CIB4: variants seen among roughly 807,000 people sequenced by gnomAD.
CIB4 encodes the protein calcium and integrin binding family member 4, also known as calcium and integrin-binding family member 4.
Under a neutral mutation model 25.8 loss-of-function variants are expected in CIB4, and 25 were observed. The ratio of observed to expected loss-of-function variants is 0.97; its 90% CI spans 0.71 to 1.35. The LOEUF is 1.35. CIB4 is among the 40% of genes most tolerant of loss of function. CIB4 has a pLI of 0.00. For synonymous variants in CIB4, 75 were observed against 81.4 expected, an observed-to-expected ratio of 0.92 and a Z score of 0.42; for missense variants, 235 against 228.2, an observed-to-expected ratio of 1.03 and a Z score of -0.19.
At chr2:26,603,949 G>C (rs1668840920) in intron 3 of CIB4, among the ~76,000 whole-genome samples, 1 of 149,586 alleles carries the variant, frequency 6.7e-6, no homozygotes, top group Non-Finnish European at 1.5e-5. Flanking sequence ...ATTGCAATGA[G>C]CCAAGATTGT....
chr2:26,618,157 G>A (rs969021993), intron 3 of CIB4, among the ~76,000 whole-genome samples: 3 of 152,076 alleles, frequency 2.0e-5, no homozygotes, highest in African/African-American at 7.2e-5. Flanking sequence ...CCTCCACCCC[G>A]ACCTCATCTC....
At chr2:26,634,909 C>T (rs999395200) in intron 2 of CIB4, among the ~76,000 whole-genome samples, 1 of 152,214 alleles carries the variant, frequency 6.6e-6, no homozygotes, top group Non-Finnish European at 1.5e-5. Context: ...CAGAGTAGTC[C>T]GAAGAGCTCG....
At chr2:26,619,371 T>C (rs1345641090) in intron 3 of CIB4, among the ~76,000 whole-genome samples, 2 of 152,008 alleles carry the variant, frequency 1.3e-5, no homozygotes, top group Non-Finnish European at 2.9e-5. Context: ...CTTGGGAGTT[T>C]GGGAATGGAG....
chr2:26,589,602 G>A (rs1434841340), intron 4 of CIB4, among the ~76,000 whole-genome samples: 3 of 152,190 alleles, frequency 2.0e-5, no homozygotes. Flanking sequence ...GATTACAGGT[G>A]TGAGCCACTG....
intron 1 of CIB4, 107 bp from the exon 2 acceptor site, chr2:26,640,674 C>G (rs950632516): frequency 8.1e-7 from 1 of 1,228,802 alleles, no homozygotes; most frequent in Non-Finnish European, 1.2e-6. Flanking sequence ...CATTCTTTTG[C>G]TGCACAGCTG....
intron 2 of CIB4, among the ~76,000 whole-genome samples, chr2:26,637,176 G>A (rs897918886): frequency 2.0e-5 from 3 of 152,142 alleles, no homozygotes; most frequent in Non-Finnish European, 4.4e-5. Context: ...TGCAGAGGGA[G>A]AGAGAAGGAA....
intron 3 of CIB4, among the ~76,000 whole-genome samples, chr2:26,614,528 G>A (rs1181521349): frequency 6.6e-6 from 1 of 152,234 alleles, no homozygotes; most frequent in Non-Finnish European, 1.5e-5. Flanking sequence ...CACATGAACA[G>A]TTTTCCCAGG....
In CIB4 at chr2:26,635,797, A is replaced by T. The variant is rs1280228506; in HGVS notation, c.89+4736T>A. Among the ~76,000 whole-genome samples the T allele has an allele frequency of 2.6e-5, 4 of 152,114 alleles. No homozygotes were observed. In the East Asian group the frequency reaches 7.7e-4, roughly 29 times the overall value. On this transcript the variant is annotated intron_variant, in intron 2 of 6. Transcript: ENST00000288861. ...TCAGTTTCTGTGTCTGCTTCCAGGG[A>T]TATTCTCCTCTGTGTATGCATGTAT...
chr2:26,623,611 C>T (rs539595362), intron 3 of CIB4: 35 of 469,838 alleles, frequency 7.4e-5, no homozygotes, highest in African/African-American at 6.6e-4. Flanking sequence ...ACCATACCTC[C>T]CTACACCTTG....
intron 3 of CIB4, among the ~76,000 whole-genome samples, chr2:26,608,893 C>G (rs1343572467): frequency 6.6e-6 from 1 of 152,190 alleles, no homozygotes; most frequent in Non-Finnish European, 1.5e-5. Context: ...CTCTCTTGCT[C>G]TCTCGTCGCT....
intron 2 of CIB4, 132 bp downstream of exon 2, chr2:26,640,401 G>T: frequency 1.1e-6 from 1 of 934,470 alleles, no homozygotes; most frequent in Non-Finnish European, 1.6e-6. Flanking sequence ...CCGTGTCCCA[G>T]CCCCATCTCC....
intron 2 of CIB4, among the ~76,000 whole-genome samples, chr2:26,632,457 T>C (rs1011012653): frequency 1.3e-5 from 2 of 152,042 alleles, no homozygotes; most frequent in Non-Finnish European, 2.9e-5. Context: ...TCCAGTGGCC[T>C]ACAAGGGGCG....
At chr2:26,625,149 G>A (rs1327252542) in intron 3 of CIB4, among the ~76,000 whole-genome samples, 2 of 152,126 alleles carry the variant, frequency 1.3e-5, no homozygotes, top group Non-Finnish European at 2.9e-5. Context: ...AGAGAGTGAG[G>A]AGGGCACCAG....
At chr2:26,625,346 A>G (rs1669281760) in intron 3 of CIB4, among the ~76,000 whole-genome samples, 1 of 133,528 alleles carries the variant, frequency 7.5e-6, no homozygotes, top group Non-Finnish European at 1.6e-5. Flanking sequence ...TCCTAAGGAC[A>G]GCCTTTTTTT....
chr2:26,637,580 G>GA (rs1373104733), intron 2 of CIB4, among the ~76,000 whole-genome samples: 2 of 152,022 alleles, frequency 1.3e-5, no homozygotes, highest in African/African-American at 2.4e-5. Flanking sequence ...ATATCAAACA[G>GA]AAAGCTCTTC....
chr2:26,605,881 G>A (rs1354680710), intron 3 of CIB4, among the ~76,000 whole-genome samples: 1 of 152,164 alleles, frequency 6.6e-6, no homozygotes, highest in Non-Finnish European at 1.5e-5. Flanking sequence ...CAACTACAGT[G>A]CTACTTTTGA....
chr2:26,596,644 G>A (rs1668688278), intron 3 of CIB4, among the ~76,000 whole-genome samples: 1 of 152,002 alleles, frequency 6.6e-6, no homozygotes, highest in Admixed American at 6.6e-5. Context: ...CTACTCGGGA[G>A]GCTGAGGCAG....
rs142951418 is a variant in CIB4, at chr2:26,601,217, C to CAAAAAAAAAAAAAAAAA, written c.187-5901_187-5900insTTTTTTTTTTTTTTTTT. Among the ~76,000 whole-genome samples, 4 of 23,706 alleles carry CAAAAAAAAAAAAAAAAA rather than the reference C, an allele frequency of 1.7e-4. 1 individual carries two copies. The highest frequency in any genetic ancestry group is 7.2e-4 in the African/African-American group (4 of 5,578). 15.6% of individuals were successfully genotyped at this position (23,706 alleles called of 152,430 possible). On this transcript the variant is annotated intron_variant, in intron 3 of 6. Coordinates refer to ENST00000288861, the MANE Select transcript of CIB4 (RefSeq NM_001029881.3). ...CCTGAGTGACAGAGTGAGACCATGT[C>CAAAAAAAAAAAAAAAAA]AAAAAAAAAAAAAAATATATATATA...
intron 2 of CIB4, among the ~76,000 whole-genome samples, chr2:26,638,051 T>G (rs1183789414): frequency 6.6e-6 from 1 of 152,130 alleles, no homozygotes; most frequent in Non-Finnish European, 1.5e-5. Context: ...GGGAGCCTCC[T>G]GAGCAGGAGC....
Sources: allele counts gnomAD v4.1 joint callset (sites outside exome capture counted in the v4.1 genomes callset), GRCh38; gene constraint gnomAD v4.1.1; transcripts MANE v1.5; gene names NCBI Gene and HGNC (gene_info 2026-07-23, HGNC 2026-07-21).